Variants in USP54 observed in about 807,000 individuals in gnomAD.
USP54 encodes ubiquitin carboxyl-terminal hydrolase 54.
In USP54, 87 loss-of-function variants were observed where a neutral mutation model predicts 170.5. The observed-to-expected ratio is 0.51, with a 90% confidence interval of 0.43 to 0.61. The LOEUF is 0.61. Ranked by LOEUF, USP54 falls within the 20% of genes least tolerant of loss-of-function variation. USP54 has a pLI of 0.00. For synonymous variants in USP54, 655 were observed against 742.8 expected, an observed-to-expected ratio of 0.88 and a Z score of 1.92; for missense variants, 1,786 against 2,047.8, an observed-to-expected ratio of 0.87 and a Z score of 2.47.
intron 1 of USP54, among the ~76,000 whole-genome samples, chr10:73,577,088 A>T (rs914864739): frequency 3.3e-5 from 5 of 152,198 alleles, no homozygotes; most frequent in African/African-American, 4.8e-5. Flanking sequence ...GAGTAATACC[A>T]AAGCAAGTAT....
intron 1 of USP54, chr10:73,625,553 C>G (rs2081468204): frequency 6.6e-6 from 1 of 152,630 alleles, no homozygotes; most frequent in African/African-American, 2.4e-5. Flanking sequence ...CGTCTGTGCT[C>G]TCATTCAACA....
At chr10:73,533,186 G>A (rs1210421050) in intron 12 of USP54, among the ~76,000 whole-genome samples, 4 of 152,092 alleles carry the variant, frequency 2.6e-5, no homozygotes, top group Middle Eastern at 3.4e-3. Context: ...GGCGCCTGTG[G>A]TCCCAGCTAC....
intron 4 of USP54, among the ~76,000 whole-genome samples, chr10:73,546,069 C>A (rs1263512842): frequency 6.6e-6 from 1 of 152,090 alleles, no homozygotes; most frequent in Non-Finnish European, 1.5e-5. Context: ...ATCTTGACCC[C>A]CTTTCTTTTA....
chr10:73,505,065 G>T, intron 21 of USP54, 75 bp from the exon 22 acceptor site: 2 of 1,595,180 alleles, frequency 1.3e-6, no homozygotes, highest in Non-Finnish European at 1.7e-6. Flanking sequence ...GTATCCTCAG[G>T]GTATGGGAAA....
chr10:73,572,993 C>T (rs1466827033), intron 3 of USP54, among the ~76,000 whole-genome samples: 1 of 152,074 alleles, frequency 6.6e-6, no homozygotes, highest in Non-Finnish European at 1.5e-5. Context: ...ACTAAAAAAA[C>T]TAATATGTGG....
At chr10:73,512,614 G>A (rs2060391918) in intron 20 of USP54, among the ~76,000 whole-genome samples, 1 of 151,988 alleles carries the variant, frequency 6.6e-6, no homozygotes, top group African/African-American at 2.4e-5. Flanking sequence ...TGAAGCTCCT[G>A]GCCTCAAGTG....
At chr10:73,623,077 G>T (rs1442545306) in intron 1 of USP54, among the ~76,000 whole-genome samples, 1 of 152,118 alleles carries the variant, frequency 6.6e-6, no homozygotes, top group East Asian at 1.9e-4. Flanking sequence ...TTAACACTTT[G>T]TAATTTTGAA....
intron 1 of USP54, among the ~76,000 whole-genome samples, chr10:73,613,706 C>T (rs545017471): frequency 6.6e-6 from 1 of 150,812 alleles, no homozygotes; most frequent in Admixed American, 6.6e-5. Context: ...GGTGAAACCC[C>T]GTCTCTACTA....
At chr10:73,508,366 C>T (rs2059567629) in intron 20 of USP54, among the ~76,000 whole-genome samples, 1 of 148,508 alleles carries the variant, frequency 6.7e-6, no homozygotes, top group Non-Finnish European at 1.5e-5. Flanking sequence ...GATATTGTAC[C>T]ACTGCACTCC....
At chr10:73,583,294 T>C (rs1049421372) in intron 1 of USP54, among the ~76,000 whole-genome samples, 3 of 151,698 alleles carry the variant, frequency 2.0e-5, no homozygotes, top group Non-Finnish European at 4.4e-5. Context: ...ACAAAGAAAA[T>C]TTTTTTTTGA....
chr10:73,615,905 CA>C lies in USP54; in HGVS notation c.-18+9661del, dbSNP rs1170081483. On this transcript the variant is annotated intron_variant, in intron 1 of 22. Coordinates refer to the USP54 transcript ENST00000339859. ...GCCTGGGCAACGAAGAGATCAGTCT[CA>C]AAAAAAAAAAAAAAAAAAGGCCCAG... Among the ~76,000 whole-genome samples the C allele has an allele frequency of 3.6e-3, 145 of 40,208 alleles. 1 individual carries two copies. The highest frequency in any genetic ancestry group is 0.028 in the Middle Eastern group (2 of 72). The allele number at this position is 40,208 out of a possible 152,430, so 26.4% of individuals were successfully genotyped here.
intron 1 of USP54, among the ~76,000 whole-genome samples, chr10:73,606,004 C>A (rs574344825): frequency 2.0e-5 from 3 of 151,574 alleles, no homozygotes; most frequent in Admixed American, 2.0e-4. Flanking sequence ...ATGGTGAAAC[C>A]CTGTCTTTAC....
chr10:73,613,251 C>T (rs2080307336), intron 1 of USP54, among the ~76,000 whole-genome samples: 1 of 150,898 alleles, frequency 6.6e-6, no homozygotes, highest in South Asian at 2.1e-4. Flanking sequence ...CCTGCCTCAG[C>T]ATCCGGAGTA....
intron 11 of USP54, 117 bp from the exon 12 acceptor site, chr10:73,534,887 G>T: frequency 1.1e-6 from 1 of 925,006 alleles, no homozygotes; most frequent in Non-Finnish European, 1.6e-6. Context: ...AGACACAAGT[G>T]TGAGAAGGAT....
intron 20 of USP54, among the ~76,000 whole-genome samples, chr10:73,510,829 A>G (rs1236812652): frequency 6.6e-6 from 1 of 152,144 alleles, no homozygotes; most frequent in Non-Finnish European, 1.5e-5. Flanking sequence ...TATCTATAAG[A>G]TGATGTCTGC....
Position 73,534,637 on chromosome 10 carries a change from C to G in USP54, c.1278G>C (p.Val426=), listed in dbSNP as rs2064849655. 1.2e-5 allele frequency: 19 copies of G among 1,614,102 alleles called. No individual in the cohort carries two copies. The Middle Eastern group carries it at 3.0e-3, about 252-fold the overall frequency. ...TGCTCTGAGACATGGAATCATTTTC[C>G]ACATTATAGATGACTGTCCCCTGAG... is the stretch of plus-strand genomic sequence containing the variant. ...SDSQGTVIYN[V]ENDSMSQSSR... Residue 426 remains valine (V), a synonymous_variant, in exon 12 of 24, where the codon GTG becomes GTC. Transcript: ENST00000687698.
chr10:73,616,987 AC>A (rs1299688541), intron 1 of USP54, among the ~76,000 whole-genome samples: 1 of 150,804 alleles, frequency 6.6e-6, no homozygotes, highest in East Asian at 1.9e-4. Flanking sequence ...TGAAAGAAAT[AC>A]AGCCAATAAA....
At chr10:73,560,339 A>G (rs1019203129) in intron 4 of USP54, among the ~76,000 whole-genome samples, 1 of 151,752 alleles carries the variant, frequency 6.6e-6, no homozygotes, top group African/African-American at 2.4e-5. Flanking sequence ...TTCCCTTACC[A>G]AATGAGAAAG....
chr10:73,622,100 C>T (rs1384595081), intron 1 of USP54, among the ~76,000 whole-genome samples: 1 of 152,104 alleles, frequency 6.6e-6, no homozygotes, highest in Non-Finnish European at 1.5e-5. Context: ...TTTCCCACAC[C>T]AATCTCTATT....
Sources: allele counts gnomAD v4.1 joint callset (sites outside exome capture counted in the v4.1 genomes callset), GRCh38; gene constraint gnomAD v4.1.1; transcripts MANE v1.5; gene names NCBI Gene and HGNC (gene_info 2026-07-23, HGNC 2026-07-21).